The following NCKAP5 variants were observed in gnomAD, a reference collection of about 807,000 sequenced individuals.
NCKAP5 encodes NCK associated protein 5.
In NCKAP5, 92 loss-of-function variants were observed where a neutral mutation model predicts 167.0. The observed-to-expected ratio is 0.55, with a 90% CI of 0.47 to 0.66. The LOEUF (loss-of-function observed/expected upper bound fraction) is 0.66. Among genes scored for constraint, NCKAP5 ranks in the 30% least tolerant of loss-of-function variants. The probability of loss-of-function intolerance (pLI) is 0.00; values close to 1 mark genes in which losing one functional copy is unlikely to be tolerated. For missense variants in NCKAP5, 2,378 were observed against 2,315.0 expected (o/e 1.03, Z -0.56); for synonymous variants, 891 against 877.4 (o/e 1.02, Z -0.27).
Position 132,783,658 on chromosome 2 carries a change from G to T in NCKAP5, c.3153C>A (p.Arg1051=), listed in dbSNP as rs1373805584. The T allele has an allele frequency of 4.3e-6, 7 of 1,613,910 alleles. No individual in the cohort carries two copies. Among genetic ancestry groups the T allele is most frequent in the African/African-American group, 2.7e-5 (2 of 75,032 alleles). Residue 1051 remains arginine, a synonymous_variant, in exon 14 of 20, where the codon CGC becomes CGA. Transcript: ENST00000409261. ...PKRGVPKTSP[R]QTLGTPQRDI... ...CCCTTTGTGGGGTCCCAAGTGTTTG[G>T]CGAGGAGAGGTTTTGGGGACACCTC...
At chr2:133,204,934 C>T (rs2085877183) in intron 5 of NCKAP5, among the ~76,000 whole-genome samples, 1 of 152,088 alleles carries the variant, frequency 6.6e-6, no homozygotes, top group African/African-American at 2.4e-5. Context: ...TTTTATTTAT[C>T]CAAAATTTAC....
intron 8 of NCKAP5, among the ~76,000 whole-genome samples, chr2:132,938,675 A>C (rs1307388196): frequency 1.3e-5 from 2 of 152,130 alleles, no homozygotes; most frequent in Admixed American, 6.5e-5. Flanking sequence ...CTTCCTATGG[A>C]TCCCCCTCAG....
At chr2:133,099,614 T>C (rs1281030070) in intron 6 of NCKAP5, among the ~76,000 whole-genome samples, 1 of 152,228 alleles carries the variant, frequency 6.6e-6, no homozygotes, top group African/African-American at 2.4e-5. Flanking sequence ...TCTTTGTTTT[T>C]GTGGCCCCTA....
At chr2:133,142,294 T>C (rs1344300858) in intron 5 of NCKAP5, among the ~76,000 whole-genome samples, 2 of 152,084 alleles carry the variant, frequency 1.3e-5, no homozygotes, top group African/African-American at 2.4e-5. Flanking sequence ...AGGAAGCAAA[T>C]GGAAAACACA....
At position 133,313,807 on chromosome 2, in the gene NCKAP5, C is replaced by A. The variant is rs548095122; in HGVS notation, c.70-10697G>T. Among the ~76,000 whole-genome samples, 317 of 152,190 alleles carry A rather than the reference C, an allele frequency of 2.1e-3. 1 individual carries two copies. The highest frequency in any genetic ancestry group is 4.1e-3 in the Non-Finnish European group (277 of 68,016). On this transcript the variant is annotated intron_variant, in intron 3 of 19. Transcript: ENST00000409261. ...ATAATTAGAAGAGTCCTCATTTCAA[C>A]CTCTATTTTTCATTTGATGGAGAAA...
intron 8 of NCKAP5, among the ~76,000 whole-genome samples, chr2:132,955,690 G>T (rs2149168664): frequency 6.6e-6 from 1 of 152,208 alleles, no homozygotes; most frequent in East Asian, 1.9e-4. Context: ...AGATTGCTGG[G>T]TCAAATGGTA....
intron 4 of NCKAP5, among the ~76,000 whole-genome samples, chr2:133,225,126 C>T (rs1176157389): frequency 6.6e-6 from 1 of 152,008 alleles, no homozygotes. Flanking sequence ...TTAAGACAAA[C>T]TTTTAAAAAC....
chr2:132,870,309 T>A (rs571561029), intron 9 of NCKAP5, among the ~76,000 whole-genome samples: 28 of 152,336 alleles, frequency 1.8e-4, no homozygotes, highest in African/African-American at 6.7e-4. Flanking sequence ...ATGGCTACTG[T>A]TGATAAAATT....
intron 2 of NCKAP5, among the ~76,000 whole-genome samples, chr2:133,558,704 C>CAGAAAAAAAAAAAAAAAAAAAAAA (rs1687929797): frequency 2.0e-5 from 1 of 50,872 alleles, no homozygotes; most frequent in Non-Finnish European, 3.3e-5. Flanking sequence ...ATGTGCTGAG[C>CAGAAAAAAAAAAAAAAAAAAAAAA]AAAAAAAAAA....
intron 3 of NCKAP5, among the ~76,000 whole-genome samples, chr2:133,309,777 G>GC (rs1364202410): frequency 6.6e-6 from 1 of 152,124 alleles, no homozygotes; most frequent in Non-Finnish European, 1.5e-5. Context: ...TCTGAGAGAG[G>GC]CCCATTATAA....
chr2:133,586,473 T>C, the NCKAP5 span, among the ~76,000 whole-genome samples: 1 of 152,226 alleles, frequency 6.6e-6, no homozygotes, highest in Non-Finnish European at 1.5e-5. Context: ...CTCTTACTTA[T>C]TACTGGGTCA....
intron 5 of NCKAP5, among the ~76,000 whole-genome samples, chr2:133,138,991 A>G (rs1440372150): frequency 6.6e-6 from 1 of 152,124 alleles, no homozygotes; most frequent in Non-Finnish European, 1.5e-5. Flanking sequence ...ACGAATTAAC[A>G]TTCCCCATAG....
At position 133,395,082 on chromosome 2, in the gene NCKAP5, T is replaced by C. The variant is rs528658382; in HGVS notation, c.70-91972A>G. 2.0e-5 allele frequency among the ~76,000 whole-genome samples: 3 copies of C among 152,350 alleles called. 1 individual carries two copies. In the South Asian group the frequency reaches 6.2e-4, roughly 32 times the overall value. ...ACCAGTTAATAATTTATGTAACACA[T>C]TAGTTTTTCTAGGAAAAGCATTTCT... On this transcript the variant is annotated intron_variant, in intron 3 of 19. Coordinates refer to ENST00000409261, the MANE Select transcript of NCKAP5 (RefSeq NM_207363.3).
intron 3 of NCKAP5, among the ~76,000 whole-genome samples, chr2:133,478,208 C>G (rs998287625): frequency 6.6e-6 from 1 of 152,198 alleles, no homozygotes; most frequent in African/African-American, 2.4e-5. Flanking sequence ...TCACCTGGTT[C>G]CAATCATGCC....
At chr2:132,772,850 GAAAATCAGCCAC>G (rs1682201370) in intron 16 of NCKAP5, among the ~76,000 whole-genome samples, 2 of 152,222 alleles carry the variant, frequency 1.3e-5, no homozygotes, top group African/African-American at 4.8e-5. Flanking sequence ...GAGTATGCTA[GAAAATCAGCCAC>G]AAAGTGTGCC....
intron 5 of NCKAP5, among the ~76,000 whole-genome samples, chr2:133,164,264 AT>A (rs1342387788): frequency 1.3e-5 from 2 of 152,330 alleles, no homozygotes; most frequent in East Asian, 1.9e-4. Flanking sequence ...ATAAAAAGTT[AT>A]TTATCCAAAC....
chr2:133,443,992 T>C (rs2012254), intron 3 of NCKAP5, among the ~76,000 whole-genome samples: 15,177 of 152,298 alleles, frequency 0.1, 1,434 homozygotes, highest in East Asian at 0.27. Flanking sequence ...AAGTGTATGC[T>C]TTTGTGACAA....
chr2:133,430,132 A>C (rs7588756), intron 3 of NCKAP5, among the ~76,000 whole-genome samples: 61,658 of 151,884 alleles, frequency 0.41, 13,814 homozygotes, highest in African/African-American at 0.6. Context: ...TTGAGAAATA[A>C]CTGTTCATGT....
intron 6 of NCKAP5, among the ~76,000 whole-genome samples, chr2:133,021,080 T>C (rs2078510170): frequency 6.6e-6 from 1 of 152,210 alleles, no homozygotes; most frequent in African/African-American, 2.4e-5. Flanking sequence ...ATGAAAACTG[T>C]AGACTGGCCT....
Sources: gnomAD v4.1 joint callset for allele counts (sites outside exome capture counted in the v4.1 genomes callset) on GRCh38, gnomAD v4.1.1 for gene constraint, MANE v1.5 for transcripts, NCBI Gene and HGNC (gene_info 2026-07-23, HGNC 2026-07-21) for gene names.